The following CABIN1 variants were observed in gnomAD, a reference collection of about 807,000 sequenced individuals.
CABIN1 encodes calcineurin binding protein 1, also known as calcineurin-binding protein cabin-1.
Under a neutral mutation model 227.7 loss-of-function variants are expected in CABIN1, and 133 were observed. That is an observed-to-expected ratio of 0.58 (90% CI 0.51 to 0.67). The LOEUF is 0.67. CABIN1 is among the 30% of genes least tolerant of loss of function. The pLI is 0.00. For synonymous variants in CABIN1, 1,086 were observed against 1,155.1 expected, an observed-to-expected ratio of 0.94 and a Z score of 1.21; for missense variants, 2,408 against 2,852.5, an observed-to-expected ratio of 0.84 and a Z score of 3.55.
intron 19 of CABIN1, among the ~76,000 whole-genome samples, chr22:24,077,211 G>A (rs932741106): frequency 6.6e-6 from 1 of 151,992 alleles, no homozygotes; most frequent in Non-Finnish European, 1.5e-5. Flanking sequence ...TCCCCTCAGC[G>A]CTTAACCTCT....
intron 34 of CABIN1, among the ~76,000 whole-genome samples, chr22:24,173,991 T>G (rs968787753): frequency 3.3e-5 from 5 of 151,392 alleles, no homozygotes; most frequent in East Asian, 1.9e-4. Context: ...GGTATGGGTT[T>G]TTTTTTTTTT....
intron 1 of CABIN1, among the ~76,000 whole-genome samples, chr22:24,034,286 A>C (rs1490782257): frequency 2.0e-5 from 3 of 152,210 alleles, no homozygotes; most frequent in Admixed American, 1.3e-4. Flanking sequence ...GGACCCCTGC[A>C]CTAAACTATT....
rs1391698953 is a variant in CABIN1, at chr22:24,050,924, G to T, written c.756G>T (p.Val252=). 1.2e-6 allele frequency: 2 copies of T among 1,614,248 alleles called. No individual in the cohort carries two copies. The highest frequency in any genetic ancestry group is 1.7e-6 in the Non-Finnish European group (2 of 1,180,044). Residue 252 remains valine (V), a synonymous_variant, in exon 8 of 37, where the codon GTG becomes GTT. Transcript: ENST00000263119. ...GLRKKRQALI[V]REKEPDLKLV... ...GAAAAAAGAGGCAAGCGCTGATTGT[G>T]CGGGAGAAGGAGCCGGACCTGAAAC...
chr22:24,137,348 C>T (rs974204519), intron 29 of CABIN1, among the ~76,000 whole-genome samples: 1 of 152,220 alleles, frequency 6.6e-6, no homozygotes, highest in African/African-American at 2.4e-5. Flanking sequence ...AGGCCCCTTT[C>T]CCACTGGGCT....
intron 33 of CABIN1, among the ~76,000 whole-genome samples, chr22:24,170,833 G>A (rs945434883): frequency 2.6e-4 from 39 of 152,048 alleles, no homozygotes; most frequent in Admixed American, 5.2e-4. Context: ...GGGGATGGGG[G>A]TGCTGTCAGC....
intron 6 of CABIN1, among the ~76,000 whole-genome samples, chr22:24,048,518 T>C (rs954696113): frequency 6.6e-6 from 1 of 152,132 alleles, no homozygotes; most frequent in Admixed American, 6.5e-5. Context: ...CCTCCTGGGC[T>C]CAAACGATTC....
Position 24,054,908 on chromosome 22 carries a change from A to G in CABIN1, c.842A>G (p.Tyr281Cys), listed in dbSNP as rs1372413269. 6.2e-7 allele frequency: 1 copy of G among 1,614,000 alleles called. No homozygotes were observed. Among genetic ancestry groups the G allele is most frequent in the Non-Finnish European group, 8.5e-7 (1 of 1,180,018 alleles). ...KCLGESLLAM[Y>C]NHLTTCEPPR... ...CTCGGAGAGAGCTTGCTGGCCATGTACAATCATCTCACCACCTGTGAGCCC... is the reference window on the plus strand; with the variant it reads ...CTCGGAGAGAGCTTGCTGGCCATGTGCAATCATCTCACCACCTGTGAGCCC... Residue 281 changes from tyrosine (Y) to cysteine (C), a missense_variant, in exon 9 of 37, where the codon TAC (tyrosine) becomes TGC (cysteine). Tyr to Cys is a radical substitution (Grantham distance 194, BLOSUM62 -2). Coordinates refer to ENST00000263119, the MANE Select transcript of CABIN1 (RefSeq NM_012295.4).
At chr22:24,136,688 CTTAGA>C (rs900877161) in intron 29 of CABIN1, among the ~76,000 whole-genome samples, 37 of 151,246 alleles carry the variant, frequency 2.4e-4, no homozygotes, top group African/African-American at 7.3e-5. Context: ...TTGATGGACA[CTTAGA>C]TTAGTTTGTC....
intron 3 of CABIN1, among the ~76,000 whole-genome samples, chr22:24,038,072 G>A (rs191948437): frequency 4.5e-4 from 69 of 152,264 alleles, no homozygotes; most frequent in African/African-American, 1.6e-3. Context: ...GCACCTTGAT[G>A]TTGTTCACCA....
intron 1 of CABIN1, among the ~76,000 whole-genome samples, chr22:24,030,299 T>C (rs1026456254): frequency 6.6e-6 from 1 of 152,006 alleles, no homozygotes; most frequent in African/African-American, 2.4e-5. Flanking sequence ...CTAGAAAGAG[T>C]ACTGGGCTTT....
At chr22:24,096,143 G>A (rs962405583) in intron 25 of CABIN1, 61 bp downstream of exon 25, 14 of 1,568,196 alleles carry the variant, frequency 8.9e-6, no homozygotes, top group African/African-American at 1.3e-5. Flanking sequence ...CAGATGGCTC[G>A]TTTACTGCAA....
chr22:24,108,218 G>A (rs2042621894), intron 26 of CABIN1, among the ~76,000 whole-genome samples: 1 of 152,228 alleles, frequency 6.6e-6, no homozygotes, highest in Admixed American at 6.5e-5. Flanking sequence ...CAACCCCTAA[G>A]TGGCAGATCT....
Position 24,164,517 on chromosome 22 carries a change from C to CTG in CABIN1, c.4865_4866dup (p.Leu1623CysfsTer2). On this transcript the variant is annotated frameshift_variant, in exon 30 of 37. Coordinates refer to ENST00000263119, the MANE Select transcript of CABIN1 (RefSeq NM_012295.4). LOFTEE classifies it high-confidence loss of function. ...GGCCCAGCTGCGGGACCACAGCACC[C>CTG]TGCTGAAGGTGTCCTCCATGCTTCA... 1 of 1,606,070 alleles carries CTG rather than the reference C, an allele frequency of 6.2e-7. No homozygotes were observed. Among genetic ancestry groups the CTG allele is most frequent in the Non-Finnish European group, 8.5e-7 (1 of 1,179,954 alleles).
chr22:24,056,327 T>C lies in CABIN1; in HGVS notation c.1229T>C (p.Phe410Ser). The change falls in exon 10 of 37, where the codon TTC (phenylalanine) becomes TCC (serine). Residue 410 changes from phenylalanine (F) to serine (S), a missense_variant. Physicochemically the swap from Phe to Ser is radical, Grantham distance 155. Around this residue, in one of 3 missense-constraint regions of CABIN1, gnomAD observed 1,045 missense variants for 1,168.4 expected, o/e 0.89. Transcript: ENST00000263119. Reference protein sequence around the residue: ...TKCKKEEKVDFQELLMKFLPS... With the variant: ...TKCKKEEKVDSQELLMKFLPS... ...TGCAAAAAAGAAGAGAAAGTAGACTTCCAGGAGCTTCTGATGAAGTTCTTG... is the reference window on the plus strand; with the variant it reads ...TGCAAAAAAGAAGAGAAAGTAGACTCCCAGGAGCTTCTGATGAAGTTCTTG... 1 of 1,613,940 alleles carries C rather than the reference T, an allele frequency of 6.2e-7. No individual in the cohort carries two copies. Among genetic ancestry groups the C allele is most frequent in the Non-Finnish European group, 8.5e-7 (1 of 1,179,854 alleles).
intron 26 of CABIN1, among the ~76,000 whole-genome samples, chr22:24,099,918 A>T (rs996087215): frequency 6.6e-5 from 10 of 152,128 alleles, no homozygotes; most frequent in African/African-American, 2.4e-4. Flanking sequence ...GAAAGGAGGG[A>T]GGCAGGAGCG....
chr22:24,095,376 A>G (rs1569206741), intron 24 of CABIN1, among the ~76,000 whole-genome samples: 6 of 152,336 alleles, frequency 3.9e-5, no homozygotes, highest in Admixed American at 2.6e-4. Flanking sequence ...ACTTGAGGAA[A>G]TGGAGGAAAG....
At chr22:24,110,206 T>C (rs942123282) in intron 26 of CABIN1, among the ~76,000 whole-genome samples, 16 of 152,212 alleles carry the variant, frequency 1.1e-4, no homozygotes, top group African/African-American at 3.9e-4. Flanking sequence ...ATCTCTACTA[T>C]TGGTTTATTA....
At chr22:24,173,013 G>A (rs908828224) in intron 34 of CABIN1, 2 of 152,382 alleles carry the variant, frequency 1.3e-5, no homozygotes, top group South Asian at 2.1e-4. Flanking sequence ...AGCGTGGTCA[G>A]AGGGTTCCCT....
At chr22:24,119,346 T>G in intron 27 of CABIN1, 21 bp from the exon 28 acceptor site, 4 of 1,605,776 alleles carry the variant, frequency 2.5e-6, no homozygotes, top group Middle Eastern at 1.7e-4. Flanking sequence ...GTGACTTTCT[T>G]TCCCTTCTTC....
Sources: gnomAD v4.1 joint callset for allele counts (sites outside exome capture counted in the v4.1 genomes callset) on GRCh38, gnomAD v4.1.1 for gene constraint, gnomAD v4.1.1 regional missense constraint, MANE v1.5 for transcripts, NCBI Gene and HGNC (gene_info 2026-07-23, HGNC 2026-07-21) for gene names.